Variants in ZC3H12B observed in about 807,000 individuals in gnomAD.
The protein encoded by ZC3H12B is zinc finger CCCH-type containing 12B, also known as probable ribonuclease ZC3H12B.
Under a neutral mutation model 43.9 loss-of-function variants are expected in ZC3H12B, and 7 were observed. That is an observed-to-expected ratio of 0.16 (90% CI 0.09 to 0.30). The LOEUF (loss-of-function observed/expected upper bound fraction) is 0.30, where lower values mean the gene tolerates loss of function less well. ZC3H12B is among the 10% of genes least tolerant of loss of function. ZC3H12B has a pLI of 1.00. For synonymous variants in ZC3H12B, 222 were observed against 241.7 expected (o/e 0.92, Z 0.76); for missense variants, 475 against 670.2 (o/e 0.71, Z 3.22).
intron 3 of ZC3H12B, among the ~76,000 whole-genome samples, chrX:65,472,256 T>G (rs1341395505): frequency 8.9e-6 from 1 of 111,997 alleles, no homozygotes; most frequent in East Asian, 2.8e-4. Flanking sequence ...GTTATTGAGT[T>G]GCAAGTGTTC....
intron 3 of ZC3H12B, among the ~76,000 whole-genome samples, chrX:65,437,350 G>GCT (rs1373555731): frequency 8.1e-5 from 9 of 111,768 alleles, no homozygotes; most frequent in African/African-American, 2.9e-4. Flanking sequence ...CCATCTCCAT[G>GCT]AATGTAACTG....
chrX:65,294,479 A>G, the ZC3H12B span, among the ~76,000 whole-genome samples: 1 of 111,511 alleles, frequency 9.0e-6, no homozygotes, highest in Non-Finnish European at 1.9e-5. Flanking sequence ...GGCAACAACT[A>G]AAACAATGAA....
At chrX:65,252,422 G>A in the ZC3H12B span, among the ~76,000 whole-genome samples, 2 of 111,304 alleles carry the variant, frequency 1.8e-5, no homozygotes, top group African/African-American at 3.3e-5. Flanking sequence ...CTCTGCCAGG[G>A]CCAGGCACTA....
At chrX:65,476,635 G>A (rs2067994892) in intron 3 of ZC3H12B, among the ~76,000 whole-genome samples, 1 of 111,315 alleles carries the variant, frequency 9.0e-6, no homozygotes, top group Non-Finnish European at 1.9e-5. Flanking sequence ...AAAAATGAGT[G>A]TAATCTCAGA....
chrX:65,352,456 A>G, the ZC3H12B span, among the ~76,000 whole-genome samples: 1 of 68,411 alleles, frequency 1.5e-5, no homozygotes, highest in South Asian at 1.1e-3. Flanking sequence ...CCCAGAACTT[A>G]AAGTATAATT....
At chrX:65,157,621 A>T in the ZC3H12B span, among the ~76,000 whole-genome samples, 1 of 111,477 alleles carries the variant, frequency 9.0e-6, no homozygotes, top group African/African-American at 3.3e-5. Flanking sequence ...TTGTAACAGA[A>T]TATAGATAGA....
the ZC3H12B span, among the ~76,000 whole-genome samples, chrX:65,190,490 G>A: frequency 1.8e-5 from 2 of 109,601 alleles, no homozygotes; most frequent in South Asian, 4.0e-4. Context: ...GTGTTTTGTA[G>A]TTCTCCTTGA....
At chrX:65,373,215 G>A (rs947952175) in intron 2 of ZC3H12B, among the ~76,000 whole-genome samples, 1 of 111,969 alleles carries the variant, frequency 8.9e-6, no homozygotes, top group African/African-American at 3.2e-5. Flanking sequence ...CATTTAGAAT[G>A]GCAATCATTA....
chrX:65,346,788 G>A, the ZC3H12B span, among the ~76,000 whole-genome samples: 20 of 112,469 alleles, frequency 1.8e-4, no homozygotes, highest in African/African-American at 6.1e-4. Context: ...CTGAAAAAAA[G>A]GCAGCACCTC....
chrX:65,261,604 G>T, the ZC3H12B span, among the ~76,000 whole-genome samples: 1 of 110,767 alleles, frequency 9.0e-6, no homozygotes, highest in Non-Finnish European at 1.9e-5. Context: ...TATTTTACCT[G>T]TAATAGTTAT....
the ZC3H12B span, among the ~76,000 whole-genome samples, chrX:65,287,918 A>T: frequency 9.2e-6 from 1 of 108,341 alleles, no homozygotes; most frequent in Non-Finnish European, 1.9e-5. Context: ...CCAAGATGAG[A>T]GAGGACCCTA....
chrX:65,042,124 C>G, the ZC3H12B span, among the ~76,000 whole-genome samples: 1 of 112,541 alleles, frequency 8.9e-6, no homozygotes, highest in Non-Finnish European at 1.9e-5. Flanking sequence ...TAACTCATTG[C>G]TCTTTACTTA....
the ZC3H12B span, among the ~76,000 whole-genome samples, chrX:65,355,696 G>A: frequency 1.8e-5 from 2 of 111,753 alleles, no homozygotes; most frequent in African/African-American, 3.2e-5. Flanking sequence ...TTTTTGGTCA[G>A]GCATGGTGGA....
At chrX:65,335,219 A>G in the ZC3H12B span, among the ~76,000 whole-genome samples, 16 of 112,017 alleles carry the variant, frequency 1.4e-4, no homozygotes, top group Non-Finnish European at 2.8e-4. Context: ...CATAAGGAAG[A>G]CAGAGGATTT....
At chrX:65,425,497 A>G (rs755217919) in intron 3 of ZC3H12B, among the ~76,000 whole-genome samples, 31 of 110,187 alleles carry the variant, frequency 2.8e-4, no homozygotes, top group Non-Finnish European at 3.8e-4. Flanking sequence ...CCAATACTAT[A>G]TTGAATAGGA....
rs746205393 is a variant in ZC3H12B, at chrX:65,385,742, T to C, written n.296-12851T>C. Reference sequence around the variant, plus strand: ...TGTGCCAGTTTTCAAAGGGAATGCTTCCAGTTTTTGCCTATTCAGTATGAC... The same window carrying C: ...TGTGCCAGTTTTCAAAGGGAATGCTCCCAGTTTTTGCCTATTCAGTATGAC... On this transcript the variant is annotated intron_variant and non_coding_transcript_variant, in intron 2 of 5. Coordinates refer to the ZC3H12B transcript ENST00000617377. Among the ~76,000 whole-genome samples, 131 of 112,032 alleles carry C rather than the reference T, an allele frequency of 1.2e-3. 1 individual carries two copies. The highest frequency in any genetic ancestry group is 4.1e-3 in the African/African-American group (128 of 30,854).
chrX:65,243,892 T>C, the ZC3H12B span, among the ~76,000 whole-genome samples: 2 of 112,063 alleles, frequency 1.8e-5, no homozygotes, highest in Non-Finnish European at 3.8e-5. Context: ...ATACTACTTA[T>C]TGTTGCTCAT....
chrX:65,123,577 T>C, the ZC3H12B span, among the ~76,000 whole-genome samples: 1 of 110,497 alleles, frequency 9.1e-6, no homozygotes, highest in Non-Finnish European at 1.9e-5. Flanking sequence ...GGCAGTATGG[T>C]CATTTTCACA....
At chrX:65,379,830 T>A (rs2066410056) in intron 2 of ZC3H12B, among the ~76,000 whole-genome samples, 1 of 112,234 alleles carries the variant, frequency 8.9e-6, no homozygotes, top group Non-Finnish European at 1.9e-5. Context: ...CAGGAGCCGA[T>A]GTGATCAACT....
Sources: allele counts gnomAD v4.1 joint callset (sites outside exome capture counted in the v4.1 genomes callset), GRCh38; gene constraint gnomAD v4.1.1; transcripts MANE v1.5; gene names NCBI Gene and HGNC (gene_info 2026-07-23, HGNC 2026-07-21).